UBE2E2: variants seen among roughly 807,000 people sequenced by gnomAD.
UBE2E2 encodes the protein ubiquitin conjugating enzyme E2 E2.
UBE2E2 carries 6 observed loss-of-function variants against 24.7 expected under a neutral mutation model. The observed-to-expected ratio is 0.24, with a 90% CI of 0.13 to 0.48. The LOEUF is 0.48. Ranked by LOEUF, UBE2E2 falls within the 20% of genes least tolerant of loss-of-function variation. UBE2E2 has a pLI of 0.99. For synonymous variants in UBE2E2, 104 were observed against 83.6 expected (o/e 1.24, Z -1.33); for missense variants, 169 against 245.0 (o/e 0.69, Z 2.07).
intron 3 of UBE2E2, among the ~76,000 whole-genome samples, chr3:23,339,687 CTGAG>C (rs1444384149): frequency 6.6e-6 from 1 of 151,812 alleles, no homozygotes; most frequent in Non-Finnish European, 1.5e-5. Flanking sequence ...ATTTTGATTC[CTGAG>C]TATTTACTTC....
intron 3 of UBE2E2, among the ~76,000 whole-genome samples, chr3:23,408,236 G>T (rs1697413228): frequency 6.6e-6 from 1 of 152,068 alleles, no homozygotes. Flanking sequence ...TCAAGATAAA[G>T]TTGTTAGTCT....
intron 3 of UBE2E2, among the ~76,000 whole-genome samples, chr3:23,241,262 C>T (rs1224741314): frequency 6.6e-6 from 1 of 152,182 alleles, no homozygotes; most frequent in Non-Finnish European, 1.5e-5. Context: ...TCCATTGTTA[C>T]TATTATGGTC....
At chr3:23,239,120 A>G (rs972679003) in intron 3 of UBE2E2, among the ~76,000 whole-genome samples, 4 of 152,118 alleles carry the variant, frequency 2.6e-5, no homozygotes, top group African/African-American at 4.8e-5. Context: ...TTGAAACAGT[A>G]TGAGTTTAAC....
chr3:23,408,791 G>C (rs759466585), intron 3 of UBE2E2, among the ~76,000 whole-genome samples: 6 of 152,108 alleles, frequency 3.9e-5, no homozygotes, highest in Non-Finnish European at 5.9e-5. Context: ...TCTTTTGGGA[G>C]TATACTTGTT....
chr3:23,383,893 A>AC, intron 3 of UBE2E2, among the ~76,000 whole-genome samples: 1 of 134,966 alleles, frequency 7.4e-6, no homozygotes, highest in South Asian at 2.4e-4. Flanking sequence ...TTATTTCTTT[A>AC]AAAAAAAAAA....
At chr3:23,464,173 C>T (rs1187532364) in intron 3 of UBE2E2, among the ~76,000 whole-genome samples, 1 of 152,058 alleles carries the variant, frequency 6.6e-6, no homozygotes, top group African/African-American at 2.4e-5. Flanking sequence ...AAGCCAAAAC[C>T]TGACCCCCGA....
chr3:23,212,833 T>C (rs993736621), intron 2 of UBE2E2, among the ~76,000 whole-genome samples: 1 of 152,150 alleles, frequency 6.6e-6, no homozygotes, highest in African/African-American at 2.4e-5. Context: ...TGCACAATTA[T>C]TGATGGTGTG....
chr3:23,324,658 AT>A (rs1343116644), intron 3 of UBE2E2, among the ~76,000 whole-genome samples: 1 of 152,114 alleles, frequency 6.6e-6, no homozygotes, highest in East Asian at 1.9e-4. Flanking sequence ...CATCCTTATT[AT>A]TTTTTGTATC....
chr3:23,321,636 G>A (rs1486633276), intron 3 of UBE2E2, among the ~76,000 whole-genome samples: 1 of 148,388 alleles, frequency 6.7e-6, no homozygotes, highest in Admixed American at 6.8e-5. Flanking sequence ...AGAGTTGTGG[G>A]GGAATGGGGG....
At chr3:23,482,028 A>ATTT (rs1348152917) in intron 3 of UBE2E2, among the ~76,000 whole-genome samples, 1 of 152,210 alleles carries the variant, frequency 6.6e-6, no homozygotes, top group Non-Finnish European at 1.5e-5. Context: ...ACTTCTATAA[A>ATTT]TGTTTTACAA....
At chr3:23,549,931 G>A (rs997613383) in intron 5 of UBE2E2, among the ~76,000 whole-genome samples, 1 of 151,668 alleles carries the variant, frequency 6.6e-6, no homozygotes, top group East Asian at 1.9e-4. Context: ...TACTCAGGAG[G>A]CTAAGGCAGG....
rs1321819270 is a variant in UBE2E2 at position 23,556,453 on chromosome 3, T to TAAAAAAAAAAAAA, written c.508+23752_508+23753insAAAAAAAAAAAAA. 1.4e-4 allele frequency among the ~76,000 whole-genome samples: 10 copies of TAAAAAAAAAAAAA among 68,998 alleles called. No individual in the cohort carries two copies. In the East Asian group the frequency reaches 3.4e-3, roughly 24 times the overall value. The allele number at this position is 68,998 out of a possible 152,430, so 45.3% of individuals were successfully genotyped here. On this transcript the variant is annotated intron_variant, in intron 5 of 5. Transcript: ENST00000396703. ...ACCATGCCCAGCCAATAAAATTTAT[T>TAAAAAAAAAAAAA]TAAAAAAAAAAAAAAAAAAGCTATA...
intron 3 of UBE2E2, among the ~76,000 whole-genome samples, chr3:23,459,915 A>G (rs1167198495): frequency 6.6e-6 from 1 of 152,212 alleles, no homozygotes; most frequent in Non-Finnish European, 1.5e-5. Context: ...TACAAAATGT[A>G]CTTATGCCAA....
intron 3 of UBE2E2, among the ~76,000 whole-genome samples, chr3:23,341,333 CATCTT>C (rs771912717): frequency 1.3e-5 from 2 of 150,664 alleles, no homozygotes; most frequent in Non-Finnish European, 2.9e-5. Context: ...TTTAAGTACT[CATCTT>C]ATCCACATTG....
At chr3:23,431,597 GT>G (rs1257706425) in intron 3 of UBE2E2, among the ~76,000 whole-genome samples, 3 of 152,066 alleles carry the variant, frequency 2.0e-5, no homozygotes, top group African/African-American at 7.2e-5. Flanking sequence ...TAATAGAGCT[GT>G]CTTATAAGTT....
chr3:23,266,555 C>G (rs1172363296), intron 3 of UBE2E2, among the ~76,000 whole-genome samples: 1 of 152,062 alleles, frequency 6.6e-6, no homozygotes, highest in East Asian at 1.9e-4. Flanking sequence ...CCTGACCTTT[C>G]TCTCTGGCTG....
intron 3 of UBE2E2, among the ~76,000 whole-genome samples, chr3:23,349,110 T>C (rs1695649136): frequency 6.6e-6 from 1 of 151,962 alleles, no homozygotes; most frequent in Admixed American, 6.5e-5. Context: ...AACAGAGAGA[T>C]TGGACATCTC....
At chr3:23,256,841 A>G (rs1192433400) in intron 3 of UBE2E2, among the ~76,000 whole-genome samples, 1 of 152,174 alleles carries the variant, frequency 6.6e-6, no homozygotes, top group Non-Finnish European at 1.5e-5. Context: ...ATTACTGTCC[A>G]TTCCATTTTC....
intron 5 of UBE2E2, among the ~76,000 whole-genome samples, chr3:23,540,556 C>T (rs1357374614): frequency 3.3e-5 from 5 of 152,128 alleles, no homozygotes; most frequent in African/African-American, 1.2e-4. Flanking sequence ...AGGCGCGCAC[C>T]ACCACGCCCA....
Sources: gnomAD v4.1 joint callset for allele counts (sites outside exome capture counted in the v4.1 genomes callset) on GRCh38, gnomAD v4.1.1 for gene constraint, MANE v1.5 for transcripts, NCBI Gene and HGNC (gene_info 2026-07-23, HGNC 2026-07-21) for gene names.